NUBPL: variants seen among roughly 807,000 people sequenced by gnomAD.
NUBPL encodes iron-sulfur cluster transfer protein NUBPL.
NUBPL carries 31 observed loss-of-function variants against 45.7 expected under a neutral mutation model. The observed-to-expected ratio is 0.68, with a 90% CI of 0.51 to 0.92. The LOEUF (loss-of-function observed/expected upper bound fraction) is 0.92. NUBPL is among the 40% of genes least tolerant of loss of function. The pLI is 0.00. For synonymous variants in NUBPL, 144 were observed against 140.9 expected, an observed-to-expected ratio of 1.02 and a Z score of -0.15; for missense variants, 401 against 398.7, an observed-to-expected ratio of 1.01 and a Z score of -0.05.
chr14:31,569,727 G>C (rs950533516), intron 3 of NUBPL, among the ~76,000 whole-genome samples: 1 of 152,040 alleles, frequency 6.6e-6, no homozygotes, highest in Non-Finnish European at 1.5e-5. Context: ...AGACCAACTC[G>C]TATCATGTTG....
At chr14:31,709,212 A>G (rs975978855) in intron 6 of NUBPL, among the ~76,000 whole-genome samples, 5 of 152,180 alleles carry the variant, frequency 3.3e-5, no homozygotes, top group African/African-American at 4.8e-5. Context: ...TTTAGAATCA[A>G]TTGACCCTCA....
At chr14:31,677,967 T>A (rs1316717330) in intron 6 of NUBPL, among the ~76,000 whole-genome samples, 1 of 152,178 alleles carries the variant, frequency 6.6e-6, no homozygotes, top group Non-Finnish European at 1.5e-5. Flanking sequence ...ACCTTAGAAG[T>A]CTACCTGGTG....
intron 4 of NUBPL, among the ~76,000 whole-genome samples, chr14:31,639,048 G>T (rs1055286822): frequency 6.6e-6 from 1 of 152,074 alleles, no homozygotes; most frequent in South Asian, 2.1e-4. Context: ...CCCATAGCTC[G>T]GAGTAGTTTG....
chr14:31,748,674 G>A (rs755160703), intron 6 of NUBPL, among the ~76,000 whole-genome samples: 11 of 152,034 alleles, frequency 7.2e-5, no homozygotes, highest in Non-Finnish European at 1.5e-4. Context: ...ATGCAGTGGA[G>A]CGATCTCGGC....
chr14:31,801,500 A>G (rs1296459033), intron 7 of NUBPL, among the ~76,000 whole-genome samples: 1 of 152,244 alleles, frequency 6.6e-6, no homozygotes, highest in Non-Finnish European at 1.5e-5. Context: ...GCTAATTTAG[A>G]CACCAGTAGT....
rs140466459 is a variant in NUBPL, at chr14:31,814,104, C to G, written c.608-12525C>G. Reference sequence around the variant, plus strand: ...TCTGGTTCTAGATCCTTGAGGAATCCCCACACTGTCTTCCACAATGGTTGA... The same window carrying G: ...TCTGGTTCTAGATCCTTGAGGAATCGCCACACTGTCTTCCACAATGGTTGA... On this transcript the variant is annotated intron_variant, in intron 7 of 10. Transcript: ENST00000281081. 1.9e-3 allele frequency among the ~76,000 whole-genome samples: 283 copies of G among 152,176 alleles called. 1 individual carries two copies. Among genetic ancestry groups the G allele is most frequent in the African/African-American group, 6.4e-3 (264 of 41,532 alleles).
rs113302424 is a variant in NUBPL at position 31,650,459 on chromosome 14, T to G, written c.383-22896T>G. 2.2e-3 allele frequency among the ~76,000 whole-genome samples: 329 copies of G among 152,104 alleles called. 1 individual carries two copies. The highest frequency in any genetic ancestry group is 7.6e-3 in the African/African-American group (314 of 41,482). ...CGCCCGCCACCACACCCGGCTAATT[T>G]TTTGTATTTTTAGTAGAGACAGGGT... On this transcript the variant is annotated intron_variant, in intron 4 of 10. Coordinates refer to ENST00000281081, the MANE Select transcript of NUBPL (RefSeq NM_025152.3).
At chr14:31,668,798 T>C (rs1432666560) in intron 4 of NUBPL, among the ~76,000 whole-genome samples, 2 of 151,768 alleles carry the variant, frequency 1.3e-5, no homozygotes, top group Non-Finnish European at 2.9e-5. Flanking sequence ...GGGAGGGAGG[T>C]CCCCAGCCCC....
chr14:31,755,157 A>T (rs2038629629), intron 6 of NUBPL, among the ~76,000 whole-genome samples: 1 of 152,092 alleles, frequency 6.6e-6, no homozygotes, highest in South Asian at 2.1e-4. Flanking sequence ...CGCAATAAAC[A>T]TACGTGTGCA....
At chr14:31,737,964 C>T (rs1189148681) in intron 6 of NUBPL, among the ~76,000 whole-genome samples, 4 of 151,950 alleles carry the variant, frequency 2.6e-5, no homozygotes, top group Non-Finnish European at 5.9e-5. Context: ...TATTTGTAAG[C>T]ACACTTTTCA....
chr14:31,771,555 A>G (rs958839490), intron 6 of NUBPL, among the ~76,000 whole-genome samples: 9 of 152,192 alleles, frequency 5.9e-5, no homozygotes, highest in Non-Finnish European at 7.3e-5. Context: ...GTGCAAGACT[A>G]GGAACATGAC....
rs117018328 is a variant in NUBPL, at chr14:31,849,479, A to T, written c.815-640A>T. On this transcript the variant is annotated intron_variant, in intron 9 of 10. Transcript: ENST00000281081. ...CTAATAGTAATGTGTCCTCAAGAAA[A>T]CACACCTCTCCCATCTCAGTCTGTA... 3.0e-3 allele frequency among the ~76,000 whole-genome samples: 455 copies of T among 152,198 alleles called. 23 individuals carry two copies. The South Asian group carries it at 0.079, about 27-fold the overall frequency.
chr14:31,725,660 C>T (rs1308237502), intron 6 of NUBPL, among the ~76,000 whole-genome samples: 1 of 148,214 alleles, frequency 6.7e-6, no homozygotes, highest in Non-Finnish European at 1.5e-5. Flanking sequence ...CTTGTCGGGT[C>T]ATGTCACTGC....
chr14:31,632,310 G>A (rs2035367005), intron 4 of NUBPL, among the ~76,000 whole-genome samples: 2 of 152,210 alleles, frequency 1.3e-5, no homozygotes, highest in Non-Finnish European at 2.9e-5. Context: ...TCTGCCTTCG[G>A]AGGAACAATG....
intron 4 of NUBPL, among the ~76,000 whole-genome samples, chr14:31,636,158 T>A (rs1283411045): frequency 6.6e-6 from 1 of 152,112 alleles, no homozygotes; most frequent in Non-Finnish European, 1.5e-5. Context: ...AGGGCATCCC[T>A]GTCTTGTGTC....
intron 6 of NUBPL, among the ~76,000 whole-genome samples, chr14:31,712,140 C>T (rs2037587471): frequency 1.3e-5 from 2 of 152,226 alleles, no homozygotes; most frequent in African/African-American, 2.4e-5. Context: ...GCCCCACCCA[C>T]ATCCTACTGA....
chr14:31,763,535 G>T (rs1430602636), intron 6 of NUBPL, among the ~76,000 whole-genome samples: 1 of 152,172 alleles, frequency 6.6e-6, no homozygotes, highest in Non-Finnish European at 1.5e-5. Flanking sequence ...AACACTGAGA[G>T]AGAGATTGAG....
At chr14:31,842,549 C>T (rs1369752483) in intron 8 of NUBPL, among the ~76,000 whole-genome samples, 1 of 152,058 alleles carries the variant, frequency 6.6e-6, no homozygotes, top group Admixed American at 6.5e-5. Flanking sequence ...AATCACAGAG[C>T]TCACCTCAGC....
chr14:31,836,075 C>T (rs912637065), intron 8 of NUBPL, among the ~76,000 whole-genome samples: 1 of 152,122 alleles, frequency 6.6e-6, no homozygotes, highest in Non-Finnish European at 1.5e-5. Flanking sequence ...AAAATTGGAG[C>T]CTTTTGGGCC....
Sources: gnomAD v4.1 joint callset for allele counts (sites outside exome capture counted in the v4.1 genomes callset) on GRCh38, gnomAD v4.1.1 for gene constraint, MANE v1.5 for transcripts, NCBI Gene and HGNC (gene_info 2026-07-23, HGNC 2026-07-21) for gene names.